ASIC2: variants seen among roughly 807,000 people sequenced by gnomAD.
ASIC2 encodes acid sensing ion channel subunit 2.
A neutral mutation model predicts 57.3 loss-of-function variants in ASIC2; 25 were observed. The observed-to-expected ratio is 0.44, with a 90% CI of 0.32 to 0.61. The LOEUF is 0.61. ASIC2 is among the 20% of genes least tolerant of loss of function. The pLI is 0.06. For missense variants in ASIC2, 641 were observed against 738.1 expected (o/e 0.87, Z 1.52); for synonymous variants, 319 against 307.5 (o/e 1.04, Z -0.39).
intron 1 of ASIC2, among the ~76,000 whole-genome samples, chr17:33,964,100 A>C (rs900961898): frequency 2.6e-5 from 4 of 151,984 alleles, no homozygotes; most frequent in Non-Finnish European, 4.4e-5. Flanking sequence ...TGGTTACCAC[A>C]CTCTTTGTGC....
chr17:34,147,228 T>C (rs1912445157), intron 1 of ASIC2, among the ~76,000 whole-genome samples: 1 of 152,170 alleles, frequency 6.6e-6, no homozygotes, highest in Non-Finnish European at 1.5e-5. Context: ...ATTCCACCCC[T>C]TCATTTTACA....
chr17:34,047,551 T>C (rs1161927117), intron 1 of ASIC2, among the ~76,000 whole-genome samples: 1 of 148,742 alleles, frequency 6.7e-6, no homozygotes, highest in Non-Finnish European at 1.5e-5. Context: ...GTATATTGAT[T>C]ACACCAATGG....
At chr17:33,136,138 C>T (rs56175245) in intron 1 of ASIC2, among the ~76,000 whole-genome samples, 2,145 of 152,300 alleles carry the variant, frequency 0.014, 32 homozygotes, top group Middle Eastern at 0.031. Flanking sequence ...CGTGTGTTTG[C>T]ATACATGTAC....
intron 1 of ASIC2, among the ~76,000 whole-genome samples, chr17:33,489,769 A>G (rs1040211765): frequency 3.9e-5 from 6 of 152,178 alleles, no homozygotes; most frequent in Middle Eastern, 3.2e-3. Flanking sequence ...CTGAGTGTTC[A>G]CTCATTCACC....
intron 1 of ASIC2, among the ~76,000 whole-genome samples, chr17:33,918,672 G>A (rs1915642131): frequency 6.6e-6 from 1 of 152,146 alleles, no homozygotes; most frequent in Non-Finnish European, 1.5e-5. Flanking sequence ...TAATTTTCTA[G>A]AAAGGAAAAG....
intron 1 of ASIC2, among the ~76,000 whole-genome samples, chr17:33,498,179 C>T (rs1418579713): frequency 2.0e-5 from 3 of 152,240 alleles, no homozygotes; most frequent in Non-Finnish European, 2.9e-5. Context: ...TTGCTTCACT[C>T]GTGTGTCTGT....
intron 1 of ASIC2, among the ~76,000 whole-genome samples, chr17:33,591,930 A>G (rs1329268836): frequency 6.6e-6 from 1 of 152,180 alleles, no homozygotes; most frequent in Non-Finnish European, 1.5e-5. Context: ...GAGAAACCTG[A>G]GCTAACCTAG....
chr17:33,082,320 A>T (rs925902731), intron 3 of ASIC2, among the ~76,000 whole-genome samples: 4 of 152,190 alleles, frequency 2.6e-5, no homozygotes, highest in Non-Finnish European at 5.9e-5. Flanking sequence ...TGATGAATAC[A>T]TGGATCAACA....
intron 1 of ASIC2, among the ~76,000 whole-genome samples, chr17:33,949,311 C>A (rs916410997): frequency 1.3e-5 from 2 of 152,128 alleles, no homozygotes; most frequent in Non-Finnish European, 2.9e-5. Context: ...CTGCTCAGTG[C>A]AGATGTCACA....
intron 1 of ASIC2, among the ~76,000 whole-genome samples, chr17:34,086,114 C>A (rs1469928222): frequency 6.7e-6 from 1 of 148,344 alleles, no homozygotes; most frequent in Non-Finnish European, 1.5e-5. Context: ...TTTTCTAGTT[C>A]TTTTAATTGT....
At chr17:33,670,581 C>T (rs550699362) in intron 1 of ASIC2, among the ~76,000 whole-genome samples, 21 of 152,352 alleles carry the variant, frequency 1.4e-4, no homozygotes, top group African/African-American at 4.8e-4. Context: ...TGGATACCTC[C>T]TTTGATCAGG....
At chr17:33,339,322 T>C (rs1431170703) in intron 1 of ASIC2, among the ~76,000 whole-genome samples, 1 of 152,140 alleles carries the variant, frequency 6.6e-6, no homozygotes, top group Non-Finnish European at 1.5e-5. Context: ...ACTTTTCACG[T>C]AGATATTTTT....
chr17:33,217,889 T>C (rs1197871316), intron 1 of ASIC2, among the ~76,000 whole-genome samples: 6 of 152,240 alleles, frequency 3.9e-5, no homozygotes, highest in Non-Finnish European at 7.3e-5. Context: ...CTCTGGCTCA[T>C]GGGTGTGCTA....
intron 1 of ASIC2, among the ~76,000 whole-genome samples, chr17:34,073,301 T>A (rs1041185644): frequency 9.2e-5 from 14 of 152,332 alleles, no homozygotes; most frequent in Middle Eastern, 3.4e-3. Flanking sequence ...TACAAGTATG[T>A]CTATGTTCCA....
At chr17:33,415,726 G>GAT (rs900217586) in intron 1 of ASIC2, among the ~76,000 whole-genome samples, 13 of 152,140 alleles carry the variant, frequency 8.5e-5, no homozygotes, top group African/African-American at 2.9e-4. Context: ...GAGAGAGAGA[G>GAT]ATTAAAAGAA....
chr17:33,132,550 A>G (rs866351327), intron 1 of ASIC2, among the ~76,000 whole-genome samples: 1 of 152,338 alleles, frequency 6.6e-6, no homozygotes, highest in South Asian at 2.1e-4. Flanking sequence ...CCAAGCACAG[A>G]GCACACACAC....
chr17:33,415,931 T>G (rs893023359), intron 1 of ASIC2, among the ~76,000 whole-genome samples: 2 of 152,164 alleles, frequency 1.3e-5, no homozygotes, highest in African/African-American at 4.8e-5. Context: ...GGCAGTGGCA[T>G]TGAGCTGCAT....
intron 1 of ASIC2, among the ~76,000 whole-genome samples, chr17:34,016,423 C>CAAAAAAAAAAAAAAAAAAAA (rs398041640): frequency 2.4e-5 from 1 of 41,450 alleles, no homozygotes; most frequent in Admixed American, 2.5e-4. Flanking sequence ...GACTCCGTCT[C>CAAAAAAAAAAAAAAAAAAAA]AAAAAAAAAA....
chr17:34,101,734 A>G (rs1306158136), intron 1 of ASIC2, among the ~76,000 whole-genome samples: 1 of 152,152 alleles, frequency 6.6e-6, no homozygotes, highest in Admixed American at 6.5e-5. Flanking sequence ...CGTGTTTTCA[A>G]ACTTTATATA....
Sources: allele counts gnomAD v4.1 joint callset (sites outside exome capture counted in the v4.1 genomes callset), GRCh38; gene constraint gnomAD v4.1.1; transcripts MANE v1.5; gene names NCBI Gene and HGNC (gene_info 2026-07-23, HGNC 2026-07-21).